VEGFC: variants seen among roughly 807,000 people sequenced by gnomAD.
The protein encoded by VEGFC is vascular endothelial growth factor C.
Under a neutral mutation model 46.1 loss-of-function variants are expected in VEGFC, and 12 were observed. The observed-to-expected ratio is 0.26, with a 90% CI of 0.17 to 0.42. VEGFC has a LOEUF of 0.42. VEGFC is among the 10% of genes least tolerant of loss of function. The probability of loss-of-function intolerance (pLI) is 1.00; values close to 1 mark genes in which losing one functional copy is unlikely to be tolerated. For missense variants in VEGFC, 488 were observed against 529.4 expected (o/e 0.92, Z 0.77); for synonymous variants, 232 against 195.5 (o/e 1.19, Z -1.56).
intron 1 of VEGFC, among the ~76,000 whole-genome samples, chr4:176,789,685 C>G (rs1019418167): frequency 6.6e-6 from 1 of 152,144 alleles, no homozygotes; most frequent in Non-Finnish European, 1.5e-5. Context: ...CATTTTAAGA[C>G]TTTTCAGTAA....
intron 1 of VEGFC, among the ~76,000 whole-genome samples, chr4:176,775,712 AG>A (rs1015449721): frequency 1.3e-5 from 2 of 152,222 alleles, no homozygotes; most frequent in Non-Finnish European, 2.9e-5. Flanking sequence ...GAATAGTTCA[AG>A]TGTTTAATTA....
At chr4:176,735,754 G>A (rs1735043180) in intron 1 of VEGFC, among the ~76,000 whole-genome samples, 1 of 151,794 alleles carries the variant, frequency 6.6e-6, no homozygotes, top group African/African-American at 2.4e-5. Flanking sequence ...AATGTAAGGG[G>A]CCATGGGACC....
chr4:176,687,312 C>A lies in VEGFC; in HGVS notation c.1020G>T (p.Gln340His). 6.2e-7 allele frequency: 1 copy of A among 1,614,140 alleles called. No homozygotes were observed. Among genetic ancestry groups the A allele is most frequent in the Non-Finnish European group, 8.5e-7 (1 of 1,180,026 alleles). The change falls in exon 6 of 7, where the codon CAG becomes CAT. Residue 340 changes from glutamine to histidine, a missense_variant. Physicochemically the swap from Gln to His is conservative, Grantham distance 24. Coordinates refer to ENST00000618562, the MANE Select transcript of VEGFC (RefSeq NM_005429.5). ...TGGGGCAGGTTCTTTTACATACACA[C>A]TGGCATGTGTTTTCATCAAATTCTC... Reference protein sequence around the residue: ...ANREFDENTCQCVCKRTCPRN... With the variant: ...ANREFDENTCHCVCKRTCPRN...
In VEGFC at chr4:176,717,800, A is replaced by G. The variant is rs188381513; in HGVS notation, c.553-6150T>C. On this transcript the variant is annotated intron_variant, in intron 3 of 6. Transcript: ENST00000618562. ...ATTAATAACTATAAAATCAGATTTT[A>G]AAACTACAACGAATTTAAAGAAATA... Among the ~76,000 whole-genome samples, 239 of 152,256 alleles carry G rather than the reference A, an allele frequency of 1.6e-3. 2 individuals carry two copies. The highest frequency in any genetic ancestry group is 5.6e-3 in the African/African-American group (231 of 41,586).
rs1736116586 is a variant in VEGFC, at chr4:176,792,413, CG to C, written c.-103del. The C allele has an allele frequency of 1.1e-6, 1 of 943,494 alleles. No homozygotes were observed. Among genetic ancestry groups the C allele is most frequent in the Non-Finnish European group, 1.4e-6 (1 of 692,958 alleles). 58.4% of individuals were successfully genotyped at this position (943,494 alleles called of 1,614,324 possible). On this transcript the variant is annotated 5_prime_UTR_variant, in exon 1 of 7. Transcript: ENST00000618562. This position sits in a 1 kb window ranked among gnomAD's most constrained non-coding sequence, Gnocchi z 6.3. ...CGGGCCCCTCCTGGTCCCTCTCCCCCGGGCTCCTCCCGGCGACCCCCCCTGG... is the reference window on the plus strand; with the variant it reads ...CGGGCCCCTCCTGGTCCCTCTCCCCCGGCTCCTCCCGGCGACCCCCCCTGG...
At chr4:176,790,783 G>A (rs1367201581) in intron 1 of VEGFC, among the ~76,000 whole-genome samples, 1 of 152,162 alleles carries the variant, frequency 6.6e-6, no homozygotes, top group Non-Finnish European at 1.5e-5. Context: ...CAAATTATCA[G>A]AAGCGTTATT....
intron 4 of VEGFC, chr4:176,706,170 G>A: frequency 6.6e-6 from 1 of 152,186 alleles, no homozygotes; most frequent in Non-Finnish European, 1.5e-5. Flanking sequence ...TTGACTATAA[G>A]TGCTCTAAGT....
At chr4:176,758,736 AC>A in intron 1 of VEGFC, among the ~76,000 whole-genome samples, 1 of 152,122 alleles carries the variant, frequency 6.6e-6, no homozygotes, top group East Asian at 1.9e-4. Context: ...CATGATGTCT[AC>A]CTCTGGCCCC....
At chr4:176,727,740 G>C in intron 3 of VEGFC, 38 bp downstream of exon 3, 1 of 1,576,926 alleles carries the variant, frequency 6.3e-7, no homozygotes, top group Middle Eastern at 1.7e-4. Flanking sequence ...TTCTGATTAA[G>C]GGGGCTCTCG....
intron 2 of VEGFC, among the ~76,000 whole-genome samples, chr4:176,728,426 G>A (rs913973793): frequency 3.3e-5 from 5 of 152,124 alleles, no homozygotes; most frequent in Non-Finnish European, 5.9e-5. Flanking sequence ...AGACAGCTAT[G>A]GTTTTAGATT....
chr4:176,765,848 C>T lies in VEGFC; in HGVS notation c.147+26317G>A, dbSNP rs551691070. On this transcript the variant is annotated intron_variant, in intron 1 of 6. Coordinates refer to ENST00000618562, the MANE Select transcript of VEGFC (RefSeq NM_005429.5). ...GATTACAGGAGTGAGCCACCGTGCCCGGCCCCAAAGACAGAATTTTAAATG... is the reference window on the plus strand; with the variant it reads ...GATTACAGGAGTGAGCCACCGTGCCTGGCCCCAAAGACAGAATTTTAAATG... Among the ~76,000 whole-genome samples, 17 of 152,006 alleles carry T rather than the reference C, an allele frequency of 1.1e-4. No individual in the cohort carries two copies. The East Asian group carries it at 2.9e-3, about 26-fold the overall frequency.
At chr4:176,758,063 T>A (rs975891301) in intron 1 of VEGFC, among the ~76,000 whole-genome samples, 4 of 152,132 alleles carry the variant, frequency 2.6e-5, no homozygotes, top group Non-Finnish European at 5.9e-5. Context: ...ATTCATTCAA[T>A]AATATACATT....
intron 1 of VEGFC, among the ~76,000 whole-genome samples, chr4:176,770,939 T>C (rs1310662874): frequency 6.6e-6 from 1 of 151,034 alleles, no homozygotes; most frequent in East Asian, 1.9e-4. Flanking sequence ...TAATACAACC[T>C]ACTACTGTCT....
At chr4:176,742,130 C>A (rs1056471899) in intron 1 of VEGFC, among the ~76,000 whole-genome samples, 3 of 151,960 alleles carry the variant, frequency 2.0e-5, no homozygotes, top group Non-Finnish European at 2.9e-5. Flanking sequence ...CTGTTTCCAT[C>A]TTTATGTGCT....
At chr4:176,776,700 G>A (rs1330057165) in intron 1 of VEGFC, among the ~76,000 whole-genome samples, 1 of 152,208 alleles carries the variant, frequency 6.6e-6, no homozygotes, top group Admixed American at 6.5e-5. Context: ...CCAAGCCCTA[G>A]CTTAACAACT....
Position 176,758,436 on chromosome 4 carries a change from T to C in VEGFC, c.148-28690A>G, listed in dbSNP as rs143321792. ...TATTTAGATGAACAAGTACCAAGCA[T>C]CAATCATACCAGACACTTCCCAGAG... On this transcript the variant is annotated intron_variant, in intron 1 of 6. Transcript: ENST00000618562. 2.0e-3 allele frequency among the ~76,000 whole-genome samples: 309 copies of C among 152,260 alleles called. 1 individual carries two copies. Among genetic ancestry groups the C allele is most frequent in the African/African-American group, 7.0e-3 (292 of 41,562 alleles).
intron 4 of VEGFC, among the ~76,000 whole-genome samples, chr4:176,708,666 T>C (rs1734575267): frequency 6.6e-6 from 1 of 152,118 alleles, no homozygotes; most frequent in Non-Finnish European, 1.5e-5. Flanking sequence ...TTCTCTAATA[T>C]CGACATATAT....
Position 176,700,987 on chromosome 4 carries a change from G to A in VEGFC, c.704+10512C>T, listed in dbSNP as rs571141269. 1.7e-3 allele frequency among the ~76,000 whole-genome samples: 260 copies of A among 152,216 alleles called. 1 individual carries two copies. Among genetic ancestry groups the A allele is most frequent in the African/African-American group, 5.9e-3 (244 of 41,530 alleles). ...AACAGGCGGAACACGGAGACTTTTAGGGCAGTAAAAGTATTCTGCATGATA... is the reference window on the plus strand; with the variant it reads ...AACAGGCGGAACACGGAGACTTTTAAGGCAGTAAAAGTATTCTGCATGATA... On this transcript the variant is annotated intron_variant, in intron 4 of 6. Transcript: ENST00000618562.
intron 1 of VEGFC, among the ~76,000 whole-genome samples, chr4:176,759,636 T>G (rs1256075811): frequency 6.6e-6 from 1 of 152,186 alleles, no homozygotes; most frequent in African/African-American, 2.4e-5. Flanking sequence ...GATGATAATG[T>G]GCTAATCAGT....
Sources: allele counts gnomAD v4.1 joint callset (sites outside exome capture counted in the v4.1 genomes callset), GRCh38; gene constraint gnomAD v4.1.1; non-coding constraint Gnocchi (gnomAD v3.1); transcripts MANE v1.5; gene names NCBI Gene and HGNC (gene_info 2026-07-23, HGNC 2026-07-21).